The following CADPS variants were observed in gnomAD, a reference collection of about 807,000 sequenced individuals.
CADPS encodes the protein calcium-dependent secretion activator 1.
Under a neutral mutation model 167.3 loss-of-function variants are expected in CADPS, and 57 were observed. That is an observed-to-expected ratio of 0.34 (90% CI 0.28 to 0.42). The LOEUF (loss-of-function observed/expected upper bound fraction) is 0.42, where lower values mean the gene tolerates loss of function less well. CADPS is among the 20% of genes least tolerant of loss of function. The probability of loss-of-function intolerance (pLI) is 1.00; values close to 1 mark genes in which losing one functional copy is unlikely to be tolerated. For missense variants in CADPS, 1,414 were observed against 1,738.1 expected (o/e 0.81, Z 3.32); for synonymous variants, 676 against 635.3 (o/e 1.06, Z -0.96).
At chr3:62,572,011 T>C (rs1432665542) in intron 8 of CADPS, among the ~76,000 whole-genome samples, 1 of 152,190 alleles carries the variant, frequency 6.6e-6, no homozygotes, top group Non-Finnish European at 1.5e-5. Flanking sequence ...CATACCGAAA[T>C]ACATTCAAAT....
chr3:62,714,846 A>T (rs371847671), intron 3 of CADPS, among the ~76,000 whole-genome samples: 4 of 152,316 alleles, frequency 2.6e-5, no homozygotes, highest in African/African-American at 9.6e-5. Flanking sequence ...CTACCTATAG[A>T]CTAAAAGAGG....
intron 17 of CADPS, among the ~76,000 whole-genome samples, chr3:62,502,922 T>C (rs1022165424): frequency 7.9e-5 from 12 of 151,330 alleles, no homozygotes; most frequent in African/African-American, 2.9e-4. Context: ...GATGACAAAC[T>C]CTGAAAAGAA....
intron 26 of CADPS, among the ~76,000 whole-genome samples, chr3:62,448,055 AT>A (rs1373996617): frequency 3.9e-5 from 6 of 152,170 alleles, no homozygotes; most frequent in Non-Finnish European, 8.8e-5. Flanking sequence ...TAAGGAATTT[AT>A]TTGCTCATGA....
At chr3:62,828,832 T>C (rs939543580) in intron 1 of CADPS, among the ~76,000 whole-genome samples, 6 of 152,178 alleles carry the variant, frequency 3.9e-5, no homozygotes, top group Admixed American at 1.3e-4. Flanking sequence ...ATTCTACCAA[T>C]AAATGGGATG....
chr3:62,639,970 A>G (rs1036271486), intron 6 of CADPS, among the ~76,000 whole-genome samples: 1 of 152,096 alleles, frequency 6.6e-6, no homozygotes, highest in Admixed American at 6.5e-5. Context: ...TTCAGAACAC[A>G]AATTATAATC....
intron 3 of CADPS, among the ~76,000 whole-genome samples, chr3:62,705,604 T>C (rs372195741): frequency 5.3e-5 from 8 of 152,020 alleles, no homozygotes; most frequent in Non-Finnish European, 1.2e-4. Context: ...CAGAAGAACA[T>C]AGAAAAACTA....
intron 1 of CADPS, among the ~76,000 whole-genome samples, chr3:62,812,216 TGTTAA>T (rs1187674022): frequency 3.9e-5 from 6 of 152,306 alleles, no homozygotes; most frequent in African/African-American, 1.4e-4. Context: ...GACAGGTGAT[TGTTAA>T]GTTACTTTTA....
intron 6 of CADPS, among the ~76,000 whole-genome samples, chr3:62,609,227 T>C (rs1320589830): frequency 7.7e-6 from 1 of 130,090 alleles, no homozygotes; most frequent in East Asian, 2.0e-4. Flanking sequence ...CCTCTTTTTT[T>C]TTTTCTTTTT....
chr3:62,530,234 T>C (rs1432468037), intron 13 of CADPS, among the ~76,000 whole-genome samples: 3 of 152,220 alleles, frequency 2.0e-5, no homozygotes, highest in African/African-American at 7.2e-5. Context: ...ATGATGGCAC[T>C]ACTATAAATG....
chr3:62,685,485 G>T (rs866348649), intron 3 of CADPS, among the ~76,000 whole-genome samples: 5 of 151,902 alleles, frequency 3.3e-5, no homozygotes, highest in Non-Finnish European at 5.9e-5. Flanking sequence ...TAATCCTAAC[G>T]TTTCAGTTTG....
chr3:62,461,479 T>G (rs557771067), intron 26 of CADPS, among the ~76,000 whole-genome samples: 1 of 152,236 alleles, frequency 6.6e-6, no homozygotes, highest in African/African-American at 2.4e-5. Flanking sequence ...CTCCGGTATA[T>G]CATAGTTCTC....
intron 8 of CADPS, among the ~76,000 whole-genome samples, chr3:62,573,518 A>C (rs1372119560): frequency 6.6e-6 from 1 of 152,138 alleles, no homozygotes; most frequent in Non-Finnish European, 1.5e-5. Context: ...TAGCCTAAAA[A>C]ACTTTTAATT....
intron 3 of CADPS, among the ~76,000 whole-genome samples, chr3:62,696,671 T>C (rs529091565): frequency 6.6e-6 from 1 of 152,128 alleles, no homozygotes; most frequent in South Asian, 2.1e-4. Context: ...ACCTTTGTAG[T>C]TACCCAGTTA....
At chr3:62,440,746 CTG>C (rs2056161283) in intron 27 of CADPS, 1 of 152,174 alleles carries the variant, frequency 6.6e-6, no homozygotes, top group South Asian at 2.1e-4. Flanking sequence ...TTTGAAAAAA[CTG>C]TGCAGATAAG....
chr3:62,820,675 G>A (rs1187129153), intron 1 of CADPS, among the ~76,000 whole-genome samples: 1 of 152,122 alleles, frequency 6.6e-6, no homozygotes, highest in African/African-American at 2.4e-5. Context: ...TTCCTTGAAT[G>A]CAGCTGGCAC....
At chr3:62,838,241 A>T (rs1352805706) in intron 1 of CADPS, among the ~76,000 whole-genome samples, 2 of 152,172 alleles carry the variant, frequency 1.3e-5, no homozygotes, top group South Asian at 4.1e-4. Flanking sequence ...AGGCTTGGAG[A>T]TAGGTCAGAA....
intron 1 of CADPS, among the ~76,000 whole-genome samples, chr3:62,873,025 T>C (rs571677202): frequency 6.6e-6 from 1 of 152,310 alleles, no homozygotes; most frequent in South Asian, 2.1e-4. Flanking sequence ...CCAAAAACTT[T>C]TACTTCTCTG....
At chr3:62,631,257 T>C (rs1015569782) in intron 6 of CADPS, among the ~76,000 whole-genome samples, 12 of 152,220 alleles carry the variant, frequency 7.9e-5, no homozygotes, top group African/African-American at 2.7e-4. Flanking sequence ...ACTAATTGTA[T>C]TAACCTTGGT....
rs895672872 is a variant in CADPS at position 62,733,897 on chromosome 3, G to A, written c.888+19544C>T. 7.9e-5 allele frequency among the ~76,000 whole-genome samples: 12 copies of A among 152,134 alleles called. No individual in the cohort carries two copies. In the South Asian group the frequency reaches 1.9e-3, roughly 24 times the overall value. On this transcript the variant is annotated intron_variant, in intron 3 of 29. Transcript: ENST00000383710. ...CTCATTATATCATTTTTATGCCTTT[G>A]CATCCTCACAGCTTAACTCCCACGT...
Sources: allele counts gnomAD v4.1 joint callset (sites outside exome capture counted in the v4.1 genomes callset), GRCh38; gene constraint gnomAD v4.1.1; transcripts MANE v1.5; gene names NCBI Gene and HGNC (gene_info 2026-07-23, HGNC 2026-07-21).